Variants in INPP4B observed in about 807,000 individuals in gnomAD.
INPP4B encodes inositol polyphosphate-4-phosphatase type II B, also known as inositol polyphosphate 4-phosphatase type II.
A neutral mutation model predicts 122.5 loss-of-function variants in INPP4B; 55 were observed. That is an observed-to-expected ratio of 0.45 (90% confidence interval 0.36 to 0.56). INPP4B has a LOEUF of 0.56. Ranked by LOEUF, INPP4B falls within the 20% of genes least tolerant of loss-of-function variation. The pLI is 0.00. For synonymous variants in INPP4B, 403 were observed against 388.7 expected (o/e 1.04, Z -0.43); for missense variants, 1,000 against 1,097.7 (o/e 0.91, Z 1.26).
chr4:142,372,067 G>A (rs1421126222), intron 7 of INPP4B, among the ~76,000 whole-genome samples: 1 of 152,014 alleles, frequency 6.6e-6, no homozygotes, highest in African/African-American at 2.4e-5. Flanking sequence ...TAAAGAAAAT[G>A]TGGTGTATAT....
intron 2 of INPP4B, among the ~76,000 whole-genome samples, chr4:142,533,561 G>C (rs1180134027): frequency 2.6e-5 from 4 of 151,948 alleles, no homozygotes; most frequent in Non-Finnish European, 5.9e-5. Flanking sequence ...CATTTTTAAG[G>C]AGTAAATCTA....
chr4:142,233,964 T>G (rs923565374), intron 12 of INPP4B, among the ~76,000 whole-genome samples: 2 of 152,128 alleles, frequency 1.3e-5, no homozygotes, highest in Non-Finnish European at 2.9e-5. Context: ...CATAAAAAAT[T>G]TATAACCTAA....
chr4:142,269,292 T>G (rs1744587084), intron 10 of INPP4B, among the ~76,000 whole-genome samples: 1 of 54,100 alleles, frequency 1.8e-5, no homozygotes, highest in South Asian at 7.7e-4. Flanking sequence ...TTGCCTACCC[T>G]CCCCCCTCTT....
intron 11 of INPP4B, among the ~76,000 whole-genome samples, chr4:142,256,071 C>T (rs1735826337): frequency 1.3e-5 from 2 of 150,670 alleles, no homozygotes; most frequent in South Asian, 2.2e-4. Flanking sequence ...TGCTCAACTA[C>T]ATGGAAACTG....
intron 1 of INPP4B, among the ~76,000 whole-genome samples, chr4:142,728,365 C>A (rs114297923): frequency 6.6e-6 from 1 of 152,192 alleles, no homozygotes; most frequent in African/African-American, 2.4e-5. Flanking sequence ...ACTCCAGGTG[C>A]AGGCATCAAG....
chr4:142,120,243 T>C (rs1005182022), intron 21 of INPP4B, among the ~76,000 whole-genome samples: 6 of 152,124 alleles, frequency 3.9e-5, no homozygotes, highest in African/African-American at 1.4e-4. Context: ...TTGATTATTA[T>C]AGTTTTGTAG....
chr4:142,363,771 T>G (rs751284364), intron 7 of INPP4B, among the ~76,000 whole-genome samples: 15 of 152,088 alleles, frequency 9.9e-5, no homozygotes, highest in Non-Finnish European at 2.2e-4. Flanking sequence ...TACATCACAT[T>G]TCTTCCAAAG....
At chr4:142,383,190 T>TTAATCCTACTGA (rs1794801844) in intron 7 of INPP4B, among the ~76,000 whole-genome samples, 1 of 152,150 alleles carries the variant, frequency 6.6e-6, no homozygotes, top group African/African-American at 2.4e-5. Flanking sequence ...TGAACACTGT[T>TTAATCCTACTGA]ACATTTATAA....
At chr4:142,286,679 C>T (rs1158014683) in intron 9 of INPP4B, among the ~76,000 whole-genome samples, 2 of 152,016 alleles carry the variant, frequency 1.3e-5, no homozygotes, top group African/African-American at 2.4e-5. Flanking sequence ...GAAACAGGCC[C>T]GGAGAGGTTA....
Position 142,034,357 on chromosome 4 carries a change from A to C in INPP4B, c.2643-5443T>G, listed in dbSNP as rs1357010236. On this transcript the variant is annotated intron_variant, in intron 25 of 25. Transcript: ENST00000262992. ...CTCAACATCCTGCAATGCATAGGAC[A>C]GTCCCTGCCACAATCACCCAGCCCG... is the stretch of plus-strand genomic sequence containing the variant. 3.3e-5 allele frequency among the ~76,000 whole-genome samples: 5 copies of C among 152,156 alleles called. No homozygotes were observed. In the South Asian group the frequency reaches 1.0e-3, roughly 32 times the overall value.
intron 1 of INPP4B, among the ~76,000 whole-genome samples, chr4:142,796,559 G>A (rs1252171881): frequency 6.6e-6 from 1 of 151,904 alleles, no homozygotes; most frequent in Non-Finnish European, 1.5e-5. Flanking sequence ...TCTGCAGAAA[G>A]GCTACCCATG....
At chr4:142,277,682 T>C (rs28696804) in intron 9 of INPP4B, among the ~76,000 whole-genome samples, 82 of 147,146 alleles carry the variant, frequency 5.6e-4, no homozygotes, top group Admixed American at 2.6e-3. Flanking sequence ...CACACACACA[T>C]ACACACACAC....
rs191398349 is a variant in INPP4B, at chr4:142,590,350, A to G, written c.-190-127624T>C. 3.9e-5 allele frequency among the ~76,000 whole-genome samples: 6 copies of G among 152,350 alleles called. No homozygotes were observed. In the East Asian group the frequency reaches 1.2e-3, roughly 29 times the overall value. On this transcript the variant is annotated intron_variant, in intron 2 of 25. Transcript: ENST00000262992. Reference sequence around the variant, plus strand: ...TATTACAAATGTATAAAACAACTTCACTGAAGAGAGTGGTAGGACAAGGTA... The same window carrying G: ...TATTACAAATGTATAAAACAACTTCGCTGAAGAGAGTGGTAGGACAAGGTA...
chr4:142,806,763 AGAAG>A (rs200655632), intron 1 of INPP4B, among the ~76,000 whole-genome samples: 24,198 of 125,902 alleles, frequency 0.19, 3,150 homozygotes, highest in South Asian at 0.3. Context: ...AGAAGAAGAA[AGAAG>A]AAAGAAAGAA....
chr4:142,215,708 A>G (rs1243786002), intron 12 of INPP4B, among the ~76,000 whole-genome samples: 1 of 151,762 alleles, frequency 6.6e-6, no homozygotes, highest in African/African-American at 2.4e-5. Flanking sequence ...CCTGGCTAAC[A>G]TGGTGAATCC....
At chr4:142,548,485 G>C (rs905021737) in intron 2 of INPP4B, among the ~76,000 whole-genome samples, 1 of 152,120 alleles carries the variant, frequency 6.6e-6, no homozygotes, top group East Asian at 1.9e-4. Flanking sequence ...GTCGTATAGA[G>C]GGAAGAAATA....
At position 142,320,987 on chromosome 4, in the gene INPP4B, G is replaced by A. The variant is rs577639773; in HGVS notation, c.373-6225C>T. 2.4e-4 allele frequency among the ~76,000 whole-genome samples: 36 copies of A among 152,236 alleles called. No homozygotes were observed. The South Asian group carries it at 4.6e-3, about 19-fold the overall frequency. On this transcript the variant is annotated intron_variant, in intron 7 of 25. Transcript: ENST00000262992. ...TTTTCCTCTGGGTAGATACCCAGTC[G>A]TGGGATTGCTGGATAAAATGGTAGA...
intron 1 of INPP4B, among the ~76,000 whole-genome samples, chr4:142,753,423 C>T (rs751672846): frequency 3.3e-5 from 5 of 151,952 alleles, no homozygotes; most frequent in Non-Finnish European, 7.4e-5. Flanking sequence ...ATAGTGAAGC[C>T]AAAATTGATT....
At chr4:142,146,093 G>T in intron 17 of INPP4B, 97 bp from the exon 18 acceptor site, 1 of 1,351,474 alleles carries the variant, frequency 7.4e-7, no homozygotes, top group Non-Finnish European at 1.0e-6. Context: ...TGGAAGGGTA[G>T]TCATTAGAAT....
Sources: gnomAD v4.1 joint callset for allele counts (sites outside exome capture counted in the v4.1 genomes callset) on GRCh38, gnomAD v4.1.1 for gene constraint, MANE v1.5 for transcripts, NCBI Gene and HGNC (gene_info 2026-07-23, HGNC 2026-07-21) for gene names.